Variants in RPTOR observed in about 807,000 individuals in gnomAD.
RPTOR encodes regulatory associated protein of MTOR complex 1.
RPTOR carries 21 observed loss-of-function variants against 169.9 expected under a neutral mutation model. The ratio of observed to expected loss-of-function variants is 0.12; its 90% CI spans 0.09 to 0.18. RPTOR has a LOEUF of 0.18. Ranked by LOEUF, RPTOR falls within the 10% of genes least tolerant of loss-of-function variation. The pLI, the probability that RPTOR is intolerant of heterozygous loss-of-function variation, is 1.00. For missense variants in RPTOR, 1,133 were observed against 1,855.9 expected (o/e 0.61, Z 7.16); for synonymous variants, 732 against 753.2 (o/e 0.97, Z 0.46).
intron 19 of RPTOR, 145 bp from the exon 20 acceptor site, chr17:80,893,562 G>C: frequency 1.0e-6 from 1 of 997,692 alleles, no homozygotes; most frequent in Non-Finnish European, 1.4e-6. Flanking sequence ...GTGCGCACCA[G>C]GGTGTGTGTG....
intron 28 of RPTOR, among the ~76,000 whole-genome samples, chr17:80,950,268 C>G (rs1417645241): frequency 6.6e-6 from 1 of 152,240 alleles, no homozygotes; most frequent in East Asian, 1.9e-4. Context: ...CCGCCAGCCC[C>G]CCTCTGCCGG....
chr17:80,638,550 C>CA (rs1265667694), intron 2 of RPTOR, among the ~76,000 whole-genome samples: 4 of 151,504 alleles, frequency 2.6e-5, no homozygotes, highest in African/African-American at 7.3e-5. Flanking sequence ...CACAGGCATG[C>CA]ACCAACACGC....
chr17:80,705,606 C>T (rs556020092), intron 3 of RPTOR, among the ~76,000 whole-genome samples: 24 of 152,190 alleles, frequency 1.6e-4, no homozygotes, highest in Admixed American at 8.5e-4. Flanking sequence ...ACAGAGTAAC[C>T]GTGTTGCAGG....
In RPTOR at chr17:80,746,393, G is replaced by T. The variant is rs916715037; in HGVS notation, c.655-7617G>T. 2.0e-5 allele frequency among the ~76,000 whole-genome samples: 3 copies of T among 152,198 alleles called. No individual in the cohort carries two copies. Among genetic ancestry groups the T allele is most frequent in the African/African-American group, 7.2e-5 (3 of 41,464 alleles). On this transcript the variant is annotated intron_variant, in intron 5 of 33. Coordinates refer to ENST00000306801, the MANE Select transcript of RPTOR (RefSeq NM_020761.3). This position sits in a 1 kb window ranked among gnomAD's most constrained non-coding sequence, Gnocchi z 4.5. ...TCTGCAGGGAGCGGACGGCAGGCCT[G>T]GGGCGTGCTGCCCGCTTACCTCATG...
At chr17:80,928,941 G>A (rs1447044379) in intron 24 of RPTOR, among the ~76,000 whole-genome samples, 2 of 152,154 alleles carry the variant, frequency 1.3e-5, no homozygotes, top group Non-Finnish European at 2.9e-5. Context: ...TTTGCTTAGG[G>A]CAATTAAGCA....
intron 3 of RPTOR, among the ~76,000 whole-genome samples, chr17:80,660,708 C>G (rs954595397): frequency 6.6e-6 from 1 of 152,180 alleles, no homozygotes; most frequent in Non-Finnish European, 1.5e-5. Context: ...CCATCCTTCG[C>G]TCAAGCCCTA....
intron 6 of RPTOR, among the ~76,000 whole-genome samples, chr17:80,765,015 G>C (rs1167768876): frequency 2.6e-5 from 4 of 152,152 alleles, no homozygotes; most frequent in African/African-American, 7.2e-5. Context: ...AATACATTTA[G>C]TCAGAAAACA....
At chr17:80,939,564 C>A (rs2068997747) in intron 24 of RPTOR, among the ~76,000 whole-genome samples, 1 of 152,212 alleles carries the variant, frequency 6.6e-6, no homozygotes, top group Non-Finnish European at 1.5e-5. Flanking sequence ...GCCAGGCTTG[C>A]AGCTCAGCAC....
chr17:80,613,122 G>A (rs1382054879), intron 1 of RPTOR, among the ~76,000 whole-genome samples: 2 of 152,076 alleles, frequency 1.3e-5, no homozygotes, highest in African/African-American at 4.8e-5. Flanking sequence ...CATCCTGTCC[G>A]AGAGTCCTGC....
At chr17:80,669,526 A>G (rs1042644004) in intron 3 of RPTOR, among the ~76,000 whole-genome samples, 5 of 152,240 alleles carry the variant, frequency 3.3e-5, no homozygotes, top group African/African-American at 1.2e-4. Flanking sequence ...CTGGGATTAC[A>G]GGCGTGCGCC....
chr17:80,634,144 CGTGTGCGTACTGTGTGTGT>C (rs2065464065), intron 2 of RPTOR, among the ~76,000 whole-genome samples: 3 of 110,082 alleles, frequency 2.7e-5, no homozygotes, highest in African/African-American at 9.9e-5. Flanking sequence ...ATACTGTGTG[CGTGTGCGTACTGTGTGTGT>C]GTGCATACTG....
intron 17 of RPTOR, among the ~76,000 whole-genome samples, chr17:80,888,540 C>T (rs1339467777): frequency 1.3e-5 from 2 of 152,150 alleles, no homozygotes; most frequent in Non-Finnish European, 2.9e-5. Flanking sequence ...GGGGTAGAGG[C>T]GAGGTGGGCC....
chr17:80,670,320 G>A (rs982841618), intron 3 of RPTOR, among the ~76,000 whole-genome samples: 3 of 152,020 alleles, frequency 2.0e-5, no homozygotes, highest in African/African-American at 4.8e-5. Context: ...GGGAATTTGC[G>A]CCTTCCCTCT....
chr17:80,671,282 A>G (rs747327484), intron 3 of RPTOR, among the ~76,000 whole-genome samples: 1 of 151,968 alleles, frequency 6.6e-6, no homozygotes, highest in African/African-American at 2.4e-5. Flanking sequence ...AGGAAGCGCC[A>G]ATGTTCCTGA....
Position 80,726,852 on chromosome 17 carries a change from T to TG in RPTOR, c.508-3702dup, listed in dbSNP as rs2066339578. Among the ~76,000 whole-genome samples the TG allele has an allele frequency of 6.6e-6, 1 of 152,130 alleles. No homozygotes were observed. The highest frequency in any genetic ancestry group is 1.5e-5 in the Non-Finnish European group (1 of 67,994). ...GCCAAAATCCTTTCTCCTGTCAGCG[T>TG]GGGGGGTGATCCTGCCCAATTAAAG... On this transcript the variant is annotated intron_variant, in intron 4 of 33. Transcript: ENST00000306801. The surrounding 1 kb of genome is among the most constrained non-coding windows in gnomAD (Gnocchi z 4.5).
chr17:80,806,383 T>C (rs2067218983), intron 7 of RPTOR, among the ~76,000 whole-genome samples: 1 of 152,220 alleles, frequency 6.6e-6, no homozygotes, highest in African/African-American at 2.4e-5. Context: ...AAGATAAGTG[T>C]TCCGTGGTCC....
intron 6 of RPTOR, among the ~76,000 whole-genome samples, chr17:80,782,373 C>T (rs1402986108): frequency 1.3e-5 from 2 of 150,580 alleles, no homozygotes; most frequent in East Asian, 3.8e-4. Flanking sequence ...TTAAAAGAAT[C>T]ACTTTATTTA....
chr17:80,634,661 GTGTGTGTGCGTAC>G lies in RPTOR; in HGVS notation c.265+8888_265+8900del, dbSNP rs1486989123. Among the ~76,000 whole-genome samples, 210 of 113,326 alleles carry G rather than the reference GTGTGTGTGCGTAC, an allele frequency of 1.9e-3. 4 individuals carry two copies. Among genetic ancestry groups the G allele is most frequent in the Non-Finnish European group, 2.6e-3 (138 of 53,818 alleles). 74.3% of individuals were successfully genotyped at this position (113,326 alleles called of 152,430 possible). On this transcript the variant is annotated intron_variant, in intron 2 of 33. Transcript: ENST00000306801. Reference sequence around the variant, plus strand: ...TGTGTGCATACTGTATGTGCGTACTGTGTGTGTGCGTACTGTGTGTGCGTACTGTGTGCGTGTG... The same window carrying G: ...TGTGTGCATACTGTATGTGCGTACTGTGTGTGTGCGTACTGTGTGCGTGTG...
chr17:80,544,966 C>T lies in RPTOR; in HGVS notation c.-664C>T, dbSNP rs1434517691. 4.3e-6 allele frequency: 1 copy of T among 231,888 alleles called. No homozygotes were observed. Among genetic ancestry groups the T allele is most frequent in the Non-Finnish European group, 8.5e-6 (1 of 117,004 alleles). 14.4% of individuals were successfully genotyped at this position (231,888 alleles called of 1,614,324 possible). On this transcript the variant is annotated 5_prime_UTR_variant, in exon 1 of 34. Transcript: ENST00000306801. ...CCCTTTCCTCCGTGGTTCCGTGTCG[C>T]CCGTTTCTCAGGACTCGTTCTCAGG...
Sources: allele counts gnomAD v4.1 joint callset (sites outside exome capture counted in the v4.1 genomes callset), GRCh38; gene constraint gnomAD v4.1.1; non-coding constraint Gnocchi (gnomAD v3.1); transcripts MANE v1.5; gene names NCBI Gene and HGNC (gene_info 2026-07-23, HGNC 2026-07-21).